Variants in ZSWIM6 observed in about 807,000 individuals in gnomAD.
ZSWIM6 encodes zinc finger SWIM domain-containing protein 6.
ZSWIM6 carries 9 observed loss-of-function variants against 113.2 expected under a neutral mutation model. The ratio of observed to expected loss-of-function variants is 0.08; its 90% CI spans 0.05 to 0.14. The LOEUF (loss-of-function observed/expected upper bound fraction) is 0.14, where lower values mean the gene tolerates loss of function less well. Among genes scored for constraint, ZSWIM6 ranks in the 10% least tolerant of loss-of-function variants. The pLI, the probability that ZSWIM6 is intolerant of heterozygous loss-of-function variation, is 1.00. For missense variants in ZSWIM6, 1,162 were observed against 1,552.2 expected, an observed-to-expected ratio of 0.75 and a Z score of 4.22; for synonymous variants, 611 against 606.5, an observed-to-expected ratio of 1.01 and a Z score of -0.11.
intron 4 of ZSWIM6, among the ~76,000 whole-genome samples, chr5:61,496,155 T>C (rs1748309619): frequency 6.6e-6 from 1 of 152,154 alleles, no homozygotes. Context: ...AGTTATGCCC[T>C]CTTATGGACT....
chr5:61,520,796 A>C (rs1165626958), intron 4 of ZSWIM6, among the ~76,000 whole-genome samples: 1 of 152,180 alleles, frequency 6.6e-6, no homozygotes, highest in Non-Finnish European at 1.5e-5. Flanking sequence ...AAGTAAATTC[A>C]ATTTTTGTGC....
rs1041726219 is a variant in ZSWIM6, at chr5:61,418,428, C to T, written c.677-54253C>T. Among the ~76,000 whole-genome samples the T allele has an allele frequency of 1.6e-4, 24 of 151,916 alleles. No individual in the cohort carries two copies. The East Asian group carries it at 2.3e-3, about 15-fold the overall frequency. On this transcript the variant is annotated intron_variant, in intron 1 of 13. Transcript: ENST00000252744. ...GATTACAGGTGCCTGCCACCACACC[C>T]GGCTACTTTTTTGTATTTTTAGTAG...
At position 61,544,334 on chromosome 5, in the gene ZSWIM6, GGGGTGGGGGGTGGGGAT is replaced by G; in HGVS notation, c.*21_*37del. The G allele has an allele frequency of 7.0e-6, 1 of 143,230 alleles. No homozygotes were observed. The highest frequency in any genetic ancestry group is 1.4e-5 in the Non-Finnish European group (1 of 69,348). The allele number at this position is 143,230 out of a possible 1,614,324, so 8.9% of individuals were successfully genotyped here. A position where few individuals can be genotyped will look rare whatever the true frequency, so the allele number is the denominator to read the frequency against. On this transcript the variant is annotated 3_prime_UTR_variant, in exon 14 of 14. Transcript: ENST00000252744. The stretch of plus-strand genomic sequence containing the variant: ...TTTGGTTGATAGATCTTGTATGAAT[GGGGTGGGGGGTGGGGAT>G]GGGAGGGATGGTTTGTTTTTACTTG...
chr5:61,531,849 G>A, intron 9 of ZSWIM6, 124 bp downstream of exon 9: 1 of 1,070,858 alleles, frequency 9.3e-7, no homozygotes, highest in Non-Finnish European at 1.3e-6. Context: ...TATAGTCATG[G>A]GGTATCAAAG....
At chr5:61,447,868 C>G (rs1746999287) in intron 1 of ZSWIM6, among the ~76,000 whole-genome samples, 1 of 152,058 alleles carries the variant, frequency 6.6e-6, no homozygotes, top group African/African-American at 2.4e-5. Flanking sequence ...CCCTGATGGA[C>G]TAAAATTAAG....
intron 1 of ZSWIM6, among the ~76,000 whole-genome samples, chr5:61,409,042 T>C (rs1415077608): frequency 1.3e-5 from 2 of 151,478 alleles, no homozygotes; most frequent in Non-Finnish European, 2.9e-5. Flanking sequence ...AAATTATGAT[T>C]ATAGATTTTC....
intron 4 of ZSWIM6, among the ~76,000 whole-genome samples, chr5:61,518,865 T>C (rs1399380962): frequency 2.6e-5 from 4 of 152,246 alleles, no homozygotes; most frequent in African/African-American, 9.6e-5. Context: ...TCCTTGCCCA[T>C]GCCTATGTCC....
intron 1 of ZSWIM6, among the ~76,000 whole-genome samples, chr5:61,378,901 T>A (rs1745423825): frequency 6.6e-6 from 1 of 152,048 alleles, no homozygotes; most frequent in African/African-American, 2.4e-5. Context: ...GAAATTGGGC[T>A]GGGCACGATG....
intron 1 of ZSWIM6, among the ~76,000 whole-genome samples, chr5:61,424,177 G>A (rs942995239): frequency 6.6e-6 from 1 of 152,122 alleles, no homozygotes; most frequent in African/African-American, 2.4e-5. Context: ...AGAAGGAGAT[G>A]GACTTTAATA....
intron 1 of ZSWIM6, among the ~76,000 whole-genome samples, chr5:61,388,944 C>T (rs750116276): frequency 2.4e-4 from 36 of 152,080 alleles, no homozygotes; most frequent in Non-Finnish European, 4.6e-4. Context: ...ATGTGGTTTT[C>T]GAATATTCTA....
intron 2 of ZSWIM6, among the ~76,000 whole-genome samples, chr5:61,479,461 C>T (rs1021726574): frequency 6.6e-6 from 1 of 152,174 alleles, no homozygotes; most frequent in Non-Finnish European, 1.5e-5. Flanking sequence ...CTTTGGTCAT[C>T]TCTGACACCA....
At chr5:61,433,345 G>A (rs1746625222) in intron 1 of ZSWIM6, among the ~76,000 whole-genome samples, 3 of 152,144 alleles carry the variant, frequency 2.0e-5, no homozygotes, top group South Asian at 2.1e-4. Flanking sequence ...ATGCGGTGTG[G>A]CATTTAATTG....
chr5:61,543,315 C>A lies in ZSWIM6; in HGVS notation c.2786-140C>A. ...TATTCTTAAAGGTTTCTCACAGGCA[C>A]ATTACTTTACAGGATTTTCTAGCCT... On this transcript the variant is annotated intron_variant, in intron 13 of 13. Coordinates refer to ENST00000252744, the MANE Select transcript of ZSWIM6 (RefSeq NM_020928.2). The surrounding 1 kb of genome is among the most constrained non-coding windows in gnomAD (Gnocchi z 4.3). 1.0e-6 allele frequency: 1 copy of A among 981,596 alleles called. No individual in the cohort carries two copies. The highest frequency in any genetic ancestry group is 1.5e-6 in the Non-Finnish European group (1 of 685,442). The allele number at this position is 981,596 out of a possible 1,614,324, so 60.8% of individuals were successfully genotyped here.
chr5:61,397,985 T>G lies in ZSWIM6; in HGVS notation c.676+65037T>G, dbSNP rs535111193. On this transcript the variant is annotated intron_variant, in intron 1 of 13. Transcript: ENST00000252744. ...CTATACTTAGTCTTCCCTGCTGTCCTGTAAGCCTCTGGTTGCAAAATAGAA... is the reference window on the plus strand; with the variant it reads ...CTATACTTAGTCTTCCCTGCTGTCCGGTAAGCCTCTGGTTGCAAAATAGAA... Among the ~76,000 whole-genome samples the G allele has an allele frequency of 1.1e-4, 16 of 152,356 alleles. No individual in the cohort carries two copies. In the South Asian group the frequency reaches 3.3e-3, roughly 32 times the overall value.
chr5:61,380,295 C>T (rs1036061892), intron 1 of ZSWIM6, among the ~76,000 whole-genome samples: 2 of 152,100 alleles, frequency 1.3e-5, no homozygotes, highest in African/African-American at 4.8e-5. Context: ...AGGCTGGTCT[C>T]GAACTCCTGA....
At chr5:61,504,171 C>T (rs528778693) in intron 4 of ZSWIM6, among the ~76,000 whole-genome samples, 10 of 152,270 alleles carry the variant, frequency 6.6e-5, no homozygotes, top group African/African-American at 2.2e-4. Context: ...ACTGAGTCCT[C>T]CATTTTCTTC....
At chr5:61,422,213 G>A (rs1045227144) in intron 1 of ZSWIM6, among the ~76,000 whole-genome samples, 4 of 152,200 alleles carry the variant, frequency 2.6e-5, no homozygotes, top group African/African-American at 4.8e-5. Flanking sequence ...TTAGATTTAA[G>A]TGTTTAATCC....
At chr5:61,404,774 G>T (rs1746014161) in intron 1 of ZSWIM6, among the ~76,000 whole-genome samples, 1 of 152,156 alleles carries the variant, frequency 6.6e-6, no homozygotes, top group African/African-American at 2.4e-5. Context: ...AGAGAGGGTT[G>T]TTTTTTTGTC....
chr5:61,536,133 G>A (rs1276854413), intron 10 of ZSWIM6, among the ~76,000 whole-genome samples: 2 of 152,216 alleles, frequency 1.3e-5, no homozygotes, highest in African/African-American at 4.8e-5. Flanking sequence ...AGCAGTGAAG[G>A]AGTCGCTATT....
Sources: allele counts gnomAD v4.1 joint callset (sites outside exome capture counted in the v4.1 genomes callset), GRCh38; gene constraint gnomAD v4.1.1; non-coding constraint Gnocchi (gnomAD v3.1); transcripts MANE v1.5; gene names NCBI Gene and HGNC (gene_info 2026-07-23, HGNC 2026-07-21).